Variants in UTRN observed in about 807,000 individuals in gnomAD.
UTRN encodes dystrophin-related protein 1.
A neutral mutation model predicts 463.9 loss-of-function variants in UTRN; 283 were observed. The observed-to-expected ratio is 0.61, with a 90% CI of 0.55 to 0.67. UTRN has a LOEUF of 0.67. UTRN is among the 30% of genes least tolerant of loss of function. The probability of loss-of-function intolerance (pLI) is 0.00; values close to 1 mark genes in which losing one functional copy is unlikely to be tolerated. For synonymous variants in UTRN, 1,442 were observed against 1,431.5 expected (o/e 1.01, Z -0.17); for missense variants, 3,922 against 4,084.3 (o/e 0.96, Z 1.08).
intron 9 of UTRN, among the ~76,000 whole-genome samples, chr6:144,433,037 G>T (rs1786037137): frequency 6.6e-6 from 1 of 152,202 alleles, no homozygotes; most frequent in Admixed American, 6.5e-5. Context: ...CAAGGCAGAA[G>T]AATTTTTCTT....
chr6:144,311,837 AT>A (rs1235451804), intron 2 of UTRN: 1 of 152,214 alleles, frequency 6.6e-6, no homozygotes, highest in Non-Finnish European at 1.5e-5. Flanking sequence ...TAGGGTAAGC[AT>A]TTTTATCTCT....
At chr6:144,717,609 T>C (rs532006944) in intron 53 of UTRN, among the ~76,000 whole-genome samples, 128 of 150,646 alleles carry the variant, frequency 8.5e-4, no homozygotes, top group Middle Eastern at 3.5e-3. Flanking sequence ...TCCATTTTTT[T>C]CTTTTTCTTT....
intron 2 of UTRN, among the ~76,000 whole-genome samples, chr6:144,320,780 G>T (rs932376312): frequency 2.6e-5 from 4 of 152,200 alleles, no homozygotes; most frequent in African/African-American, 9.6e-5. Flanking sequence ...CTGAGCTTTC[G>T]CATTCAGGTT....
intron 2 of UTRN, among the ~76,000 whole-genome samples, chr6:144,306,433 A>G (rs1055013982): frequency 6.6e-6 from 1 of 152,132 alleles, no homozygotes; most frequent in African/African-American, 2.4e-5. Context: ...AGCTTTAGGT[A>G]GGAGGCAGAC....
At chr6:144,837,682 C>CCTTTTCACA (rs1401927265) in intron 71 of UTRN, among the ~76,000 whole-genome samples, 3 of 152,214 alleles carry the variant, frequency 2.0e-5, no homozygotes, top group African/African-American at 7.2e-5. Context: ...TAGAAAACTG[C>CCTTTTCACA]CTTTTCACAG....
chr6:144,814,996 A>T (rs1403512361), intron 65 of UTRN, among the ~76,000 whole-genome samples: 1 of 152,226 alleles, frequency 6.6e-6, no homozygotes, highest in Non-Finnish European at 1.5e-5. Flanking sequence ...GCCTGTTAAC[A>T]CTGAAAAGGC....
At chr6:144,707,946 A>G (rs1785256750) in intron 53 of UTRN, among the ~76,000 whole-genome samples, 1 of 152,186 alleles carries the variant, frequency 6.6e-6, no homozygotes, top group Non-Finnish European at 1.5e-5. Flanking sequence ...TTAATATAAT[A>G]AGAGTTGTTA....
intron 51 of UTRN, among the ~76,000 whole-genome samples, chr6:144,644,173 A>T (rs1002032520): frequency 6.6e-6 from 1 of 152,160 alleles, no homozygotes; most frequent in Non-Finnish European, 1.5e-5. Context: ...CACAGAACTA[A>T]ATGCTTGTTA....
At chr6:144,480,741 C>CT (rs996998172) in intron 26 of UTRN, among the ~76,000 whole-genome samples, 1 of 151,922 alleles carries the variant, frequency 6.6e-6, no homozygotes, top group Non-Finnish European at 1.5e-5. Context: ...GTTTTCAAAG[C>CT]TTTTTTTTCC....
At chr6:144,542,012 G>A (rs1798016587) in intron 45 of UTRN, among the ~76,000 whole-genome samples, 1 of 152,174 alleles carries the variant, frequency 6.6e-6, no homozygotes, top group Non-Finnish European at 1.5e-5. Context: ...TGAGATCCTG[G>A]AGGACTCACT....
At chr6:144,451,987 G>A (rs1485614039) in intron 18 of UTRN, among the ~76,000 whole-genome samples, 2 of 152,190 alleles carry the variant, frequency 1.3e-5, no homozygotes, top group Non-Finnish European at 2.9e-5. Flanking sequence ...TTTCTGAAGA[G>A]TGTGATGGGA....
At chr6:144,716,256 G>C (rs1270309953) in intron 53 of UTRN, among the ~76,000 whole-genome samples, 1 of 146,616 alleles carries the variant, frequency 6.8e-6, no homozygotes, top group African/African-American at 2.5e-5. Context: ...TTTTTTAGCT[G>C]TATGTGCTGG....
intron 51 of UTRN, among the ~76,000 whole-genome samples, chr6:144,674,513 T>A (rs548871507): frequency 6.6e-6 from 1 of 152,136 alleles, no homozygotes; most frequent in South Asian, 2.1e-4. Flanking sequence ...TTATTTATGA[T>A]ATCTATTTCT....
intron 2 of UTRN, among the ~76,000 whole-genome samples, chr6:144,301,901 A>G (rs1314849305): frequency 6.6e-6 from 1 of 151,984 alleles, no homozygotes; most frequent in African/African-American, 2.4e-5. Flanking sequence ...TGAAGGAGGC[A>G]GAGGGCACCA....
chr6:144,312,943 C>G (rs934195098), intron 2 of UTRN, among the ~76,000 whole-genome samples: 6 of 152,160 alleles, frequency 3.9e-5, no homozygotes, highest in Non-Finnish European at 7.4e-5. Flanking sequence ...CCAAAGAAAC[C>G]TCAAAATACA....
chr6:144,811,698 T>A (rs972731347), intron 65 of UTRN, among the ~76,000 whole-genome samples: 1 of 151,350 alleles, frequency 6.6e-6, no homozygotes, highest in Non-Finnish European at 1.5e-5. Context: ...CTTGTTGAAA[T>A]CATTGAAACT....
chr6:144,534,126 T>C (rs1270348371), intron 43 of UTRN, among the ~76,000 whole-genome samples: 4 of 152,246 alleles, frequency 2.6e-5, no homozygotes, highest in Admixed American at 6.5e-5. Context: ...AATATTCAAG[T>C]ATCATGTGAC....
intron 56 of UTRN, among the ~76,000 whole-genome samples, chr6:144,752,949 AAAG>A (rs776519717): frequency 3.1e-4 from 47 of 152,304 alleles, no homozygotes; most frequent in Non-Finnish European, 5.7e-4. Flanking sequence ...GCTGGTTGGA[AAAG>A]AAGAGAAAAA....
rs781266267 is a variant in UTRN, at chr6:144,542,792, T to C, written c.6520-3T>C. ...TCTCTTTCTGTTTGTCCTGATGCGG[T>C]AGATTTGCAGAGAGGTGCCTACCAC... is the stretch of plus-strand genomic sequence containing the variant. On this transcript the variant is annotated splice_polypyrimidine_tract_variant and splice_region_variant and intron_variant, in intron 45 of 74. Coordinates refer to ENST00000367545, the MANE Select transcript of UTRN (RefSeq NM_007124.3). The C allele has an allele frequency of 3.1e-6, 5 of 1,613,022 alleles. No individual in the cohort carries two copies. The Admixed American group carries it at 8.4e-5, about 27-fold the overall frequency.
Sources: allele counts gnomAD v4.1 joint callset (sites outside exome capture counted in the v4.1 genomes callset), GRCh38; gene constraint gnomAD v4.1.1; transcripts MANE v1.5; gene names NCBI Gene and HGNC (gene_info 2026-07-23, HGNC 2026-07-21).